FKBP5: variants seen among roughly 807,000 people sequenced by gnomAD.
The protein encoded by FKBP5 is FKBP prolyl isomerase 5.
A neutral mutation model predicts 50.5 loss-of-function variants in FKBP5; 23 were observed. That is an observed-to-expected ratio of 0.46 (90% CI 0.33 to 0.65). FKBP5 has a LOEUF of 0.65. Ranked by LOEUF, FKBP5 falls within the 30% of genes least tolerant of loss-of-function variation. The pLI is 0.02. For synonymous variants in FKBP5, 176 were observed against 190.6 expected, an observed-to-expected ratio of 0.92 and a Z score of 0.63; for missense variants, 411 against 553.1, an observed-to-expected ratio of 0.74 and a Z score of 2.58.
chr6:35,582,215 AGT>A (rs1469143640), intron 8 of FKBP5: 1 of 985,276 alleles, frequency 1.0e-6, no homozygotes, highest in African/African-American at 1.7e-5. Context: ...CTGCCTCAGA[AGT>A]GTGTGATACA....
At chr6:35,602,850 T>C (rs1452336082) in intron 5 of FKBP5, among the ~76,000 whole-genome samples, 4 of 152,138 alleles carry the variant, frequency 2.6e-5, no homozygotes, top group Non-Finnish European at 4.4e-5. Flanking sequence ...TTTCTTTTGG[T>C]TGATCAAGTT....
intron 5 of FKBP5, among the ~76,000 whole-genome samples, chr6:35,608,318 T>C (rs1763389885): frequency 6.6e-6 from 1 of 152,146 alleles, no homozygotes; most frequent in African/African-American, 2.4e-5. Flanking sequence ...TTACAGACAA[T>C]ATATCCATGT....
At chr6:35,614,686 G>T (rs1763590493) in intron 5 of FKBP5, among the ~76,000 whole-genome samples, 1 of 152,160 alleles carries the variant, frequency 6.6e-6, no homozygotes. Flanking sequence ...ACTAGGATGG[G>T]AGCAATGAGT....
At chr6:35,625,312 T>C (rs566999372) in intron 3 of FKBP5, among the ~76,000 whole-genome samples, 2 of 152,172 alleles carry the variant, frequency 1.3e-5, no homozygotes, top group South Asian at 4.1e-4. Flanking sequence ...CTCAAACTCC[T>C]GACCTCAAGT....
At chr6:35,718,004 C>A (rs577732421) in intron 2 of FKBP5, among the ~76,000 whole-genome samples, 1 of 152,278 alleles carries the variant, frequency 6.6e-6, no homozygotes, top group East Asian at 1.9e-4. Context: ...AAAACAGACC[C>A]CATCTCCCTG....
chr6:35,683,438 G>A (rs1456442659), intron 1 of FKBP5, among the ~76,000 whole-genome samples: 1 of 151,298 alleles, frequency 6.6e-6, no homozygotes, highest in Non-Finnish European at 1.5e-5. Flanking sequence ...GACATTACAG[G>A]TGTGAGACAT....
chr6:35,690,920 C>T (rs572436477), upstream of FKBP5, among the ~76,000 whole-genome samples: 134 of 151,826 alleles, frequency 8.8e-4, no homozygotes, highest in African/African-American at 2.7e-3. Context: ...GCAGAAGAAT[C>T]GCTTGAACCC....
Position 35,620,228 on chromosome 6 carries a change from T to C in FKBP5, c.297A>G (p.Lys99=). 6.2e-7 allele frequency: 1 copy of C among 1,614,182 alleles called. No homozygotes were observed. Among genetic ancestry groups the C allele is most frequent in the South Asian group, 1.1e-5 (1 of 91,090 alleles). ...AWDIGVATMK[K]GEICHLLCKP... ...TGCACAGTAAATGGCATATCTCTCCTTTCTTCATGGTAGCCACCCCAATGT... is the reference window on the plus strand; with the variant it reads ...TGCACAGTAAATGGCATATCTCTCCCTTCTTCATGGTAGCCACCCCAATGT... Residue 99 remains lysine, a synonymous_variant, in exon 4 of 11, where the codon AAA becomes AAG. Coordinates refer to ENST00000357266, the MANE Select transcript of FKBP5 (RefSeq NM_004117.4).
chr6:35,690,599 G>T (rs1765967496), upstream of FKBP5, among the ~76,000 whole-genome samples: 1 of 152,160 alleles, frequency 6.6e-6, no homozygotes, highest in African/African-American at 2.4e-5. Flanking sequence ...TTTACCAGTT[G>T]CCGAGGGGAG....
intron 1 of FKBP5, among the ~76,000 whole-genome samples, chr6:35,675,606 C>A (rs1269685188): frequency 6.6e-6 from 1 of 152,154 alleles, no homozygotes; most frequent in Non-Finnish European, 1.5e-5. Flanking sequence ...TAATCCCCAG[C>A]CTACCACAAA....
Position 35,642,850 on chromosome 6 carries a change from A to G in FKBP5, c.-19-7T>C, listed in dbSNP as rs1485509057. 1.3e-6 allele frequency: 2 copies of G among 1,587,742 alleles called. No homozygotes were observed. Among genetic ancestry groups the G allele is most frequent in the Non-Finnish European group, 1.7e-6 (2 of 1,161,524 alleles). ...TGTCTTTTAAGTAGAGAACCTGGTAAGAAGAAAAATATTTTAGCTGGGAAA... is the reference window on the plus strand; with the variant it reads ...TGTCTTTTAAGTAGAGAACCTGGTAGGAAGAAAAATATTTTAGCTGGGAAA... On this transcript the variant is annotated splice_region_variant and splice_polypyrimidine_tract_variant and intron_variant, in intron 1 of 10. Coordinates refer to ENST00000357266, the MANE Select transcript of FKBP5 (RefSeq NM_004117.4).
In FKBP5 at chr6:35,707,774, T is replaced by G. The variant is rs112721823; in HGVS notation, c.-20+12554A>C. Among the ~76,000 whole-genome samples the G allele has an allele frequency of 5.6e-3, 856 of 152,256 alleles. 12 individuals are homozygous for G. Among genetic ancestry groups the G allele is most frequent in the African/African-American group, 0.019 (783 of 41,548 alleles). On this transcript the variant is annotated intron_variant, in intron 2 of 11. Coordinates refer to the FKBP5 transcript ENST00000536438. Reference sequence around the variant, plus strand: ...CTTTGTGTCCATGTGTTCTCATCATTTAGCTCCTACGTACATGTGAGAACA... The same window carrying G: ...CTTTGTGTCCATGTGTTCTCATCATGTAGCTCCTACGTACATGTGAGAACA...
At position 35,642,781 on chromosome 6, in the gene FKBP5, G is replaced by C. The variant is rs746012541; in HGVS notation, c.44C>G (p.Thr15Arg). ...EGAKNNEESP[T>R]ATVAEQGEDI... ...CTCTCCCTGCTCAGCAACAGTGGCTGTGGGGCTTTCTTCATTGTTCTTGGC... is the reference window on the plus strand; with the variant it reads ...CTCTCCCTGCTCAGCAACAGTGGCTCTGGGGCTTTCTTCATTGTTCTTGGC... Residue 15 changes from threonine (T) to arginine (R), a missense_variant, in exon 2 of 11, where the codon ACA (threonine) becomes AGA (arginine). By Grantham distance (71) the Thr-to-Arg change is moderately conservative. Transcript: ENST00000357266. 22 of 1,613,894 alleles carry C rather than the reference G, an allele frequency of 1.4e-5. No individual in the cohort carries two copies. The highest frequency in any genetic ancestry group is 3.3e-5 in the Admixed American group (2 of 59,994).
At chr6:35,581,099 A>G in intron 8 of FKBP5, 3 of 966,624 alleles carry the variant, frequency 3.1e-6, no homozygotes, top group Non-Finnish European at 3.7e-6. Flanking sequence ...GTACTTACAA[A>G]AACAGGCAGG....
chr6:35,638,524 C>T (rs907945277), intron 2 of FKBP5, among the ~76,000 whole-genome samples: 1 of 152,090 alleles, frequency 6.6e-6, no homozygotes, highest in African/African-American at 2.4e-5. Context: ...CTCAAGTGAT[C>T]ATCCCACCTC....
rs140297532 is a variant in FKBP5 at position 35,619,143 on chromosome 6, C to T, written c.461G>A (p.Arg154Gln). The T allele has an allele frequency of 2.3e-4, 376 of 1,613,840 alleles. No homozygotes were observed. In the African/African-American group the frequency reaches 4.5e-3, roughly 19 times the overall value. ...TGGATTTGAATATCCCTCTCCTTTC[C>T]GTTTGGTTCTCCGGATAATGCCTCC... ...EDGGIIRRTKRKGEGYSNPNE... is the reference protein window; with the variant it reads ...EDGGIIRRTKQKGEGYSNPNE... Residue 154 changes from arginine (R) to glutamine (Q), a missense_variant, in exon 5 of 11, where the codon CGG (arginine) becomes CAG (glutamine). Arg to Gln is a conservative substitution (Grantham distance 43, BLOSUM62 1). Around this residue, in one of 3 missense-constraint regions of FKBP5, gnomAD observed 267 missense variants for 405.9 expected, o/e 0.66. Transcript: ENST00000357266.
intron 8 of FKBP5, chr6:35,584,709 A>G: frequency 1.0e-6 from 1 of 985,478 alleles, no homozygotes; most frequent in South Asian, 4.7e-5. Flanking sequence ...TTCTGGGAGA[A>G]AAGTCTCAGG....
chr6:35,581,097 A>G (rs1168152138), intron 8 of FKBP5: 1 of 965,482 alleles, frequency 1.0e-6, no homozygotes, highest in African/African-American at 1.8e-5. Context: ...CTGTACTTAC[A>G]AAAACAGGCA....
At position 35,598,736 on chromosome 6, in the gene FKBP5, C is replaced by T. The variant is rs929638181; in HGVS notation, c.509-1332G>A. Reference sequence around the variant, plus strand: ...CCTGTAATCCCACACTTTGGGAGGCCGAGGCGGGTGGATCACCTGAGGTCA... The same window carrying T: ...CCTGTAATCCCACACTTTGGGAGGCTGAGGCGGGTGGATCACCTGAGGTCA... On this transcript the variant is annotated intron_variant, in intron 5 of 10. Transcript: ENST00000357266. Among the ~76,000 whole-genome samples, 8 of 151,782 alleles carry T rather than the reference C, an allele frequency of 5.3e-5. 1 individual carries two copies. The highest frequency in any genetic ancestry group is 4.6e-4 in the Admixed American group (7 of 15,232).
Sources: allele counts gnomAD v4.1 joint callset (sites outside exome capture counted in the v4.1 genomes callset), GRCh38; gene constraint gnomAD v4.1.1; regional missense constraint gnomAD v4.1.1; transcripts MANE v1.5; gene names NCBI Gene and HGNC (gene_info 2026-07-23, HGNC 2026-07-21).